The following NR1H2 variants were observed in gnomAD, a reference collection of about 807,000 sequenced individuals.
NR1H2 encodes the protein nuclear receptor subfamily 1 group H member 2.
Under a neutral mutation model 51.2 loss-of-function variants are expected in NR1H2, and 33 were observed. The observed-to-expected ratio is 0.64, with a 90% CI of 0.49 to 0.86. The LOEUF is 0.86. NR1H2 is among the 40% of genes least tolerant of loss of function. NR1H2 has a pLI of 0.00. For synonymous variants in NR1H2, 310 were observed against 264.3 expected (o/e 1.17, Z -1.68); for missense variants, 592 against 639.9 (o/e 0.93, Z 0.81).
At position 50,377,613 on chromosome 19, in the gene NR1H2, C is replaced by G. The variant is rs201933823; in HGVS notation, c.8C>G (p.Ser3Cys). 3.1e-6 allele frequency: 5 copies of G among 1,613,820 alleles called. No individual in the cohort carries two copies. In the African/African-American group the frequency reaches 5.3e-5, roughly 17 times the overall value. Reference sequence around the variant, plus strand: ...CTGCTCCGTGACCCCACCATGTCCTCTCCTACCACGAGTTCCCTGGATACC... The same window carrying G: ...CTGCTCCGTGACCCCACCATGTCCTGTCCTACCACGAGTTCCCTGGATACC... MS[S>C]PTTSSLDTPL... is the part of the protein sequence containing the mutation. The change falls in exon 3 of 10, where the codon TCT becomes TGT. Residue 3 changes from serine to cysteine, a missense_variant. By Grantham distance (112) the Ser-to-Cys change is moderately radical. Transcript: ENST00000253727.
rs28514894 is a variant in NR1H2 at position 50,378,069 on chromosome 19, T to C, written c.182-80T>C. ...TCCCTCCATCCTCTGGCTCTTTGCC[T>C]GGGGATCTCCTGTGGGCCCATCTCT... On this transcript the variant is annotated intron_variant, in intron 4 of 9. Coordinates refer to ENST00000253727, the MANE Select transcript of NR1H2 (RefSeq NM_007121.7). The C allele has an allele frequency of 0.34, 498,053 of 1,482,382 alleles. 85,765 individuals are homozygous for C. The highest frequency in any genetic ancestry group is 0.44 in the African/African-American group (31,504 of 71,136). The allele number at this position is 1,482,382 out of a possible 1,614,324, so 91.8% of individuals were successfully genotyped here.
In NR1H2 at chr19:50,382,313, C is replaced by T. The variant is rs1460351095; in HGVS notation, c.1236+139C>T. 1.0e-5 allele frequency: 14 copies of T among 1,338,594 alleles called. No individual in the cohort carries two copies. In the East Asian group the frequency reaches 3.3e-4, roughly 31 times the overall value. 82.9% of individuals were successfully genotyped at this position (1,338,594 alleles called of 1,614,324 possible). A position where few individuals can be genotyped will look rare whatever the true frequency, so the allele number is the denominator to read the frequency against. ...AGGCCCCACCCTGCTCGACTGGGAGCCAGGTCTAGTCCAAGCACAGAGGCG... is the reference window on the plus strand; with the variant it reads ...AGGCCCCACCCTGCTCGACTGGGAGTCAGGTCTAGTCCAAGCACAGAGGCG... On this transcript the variant is annotated intron_variant, in intron 9 of 9. Coordinates refer to ENST00000253727, the MANE Select transcript of NR1H2 (RefSeq NM_007121.7).
In NR1H2 at chr19:50,382,014, T is replaced by C; in HGVS notation, c.1076T>C (p.Met359Thr). 2 of 1,568,950 alleles carry C rather than the reference T, an allele frequency of 1.3e-6. No homozygotes were observed. Among genetic ancestry groups the C allele is most frequent in the Non-Finnish European group, 1.7e-6 (2 of 1,156,464 alleles). The stretch of plus-strand genomic sequence containing the variant: ...CCCATCTTCGAGTTCTCGCGGGCCA[T>C]GCGGCGGCTGGGCCTGGACGACGCT... ...INPIFEFSRA[M>T]RRLGLDDAEY... Residue 359 changes from methionine to threonine, a missense_variant, in exon 9 of 10, where the codon ATG (methionine) becomes ACG (threonine). Around this residue, in one of 3 missense-constraint regions of NR1H2, gnomAD observed 174 missense variants for 174.0 expected, o/e 1.00. Coordinates refer to ENST00000253727, the MANE Select transcript of NR1H2 (RefSeq NM_007121.7).
rs1451614063 is a variant in NR1H2, at chr19:50,376,471, G to C, written c.-233G>C. The C allele has an allele frequency of 6.6e-6, 1 of 152,326 alleles. No homozygotes were observed. The highest frequency in any genetic ancestry group is 1.5e-5 in the Non-Finnish European group (1 of 68,082). 9.4% of individuals were successfully genotyped at this position (152,326 alleles called of 1,614,324 possible). A position where few individuals can be genotyped will look rare whatever the true frequency, so the allele number is the denominator to read the frequency against. On this transcript the variant is annotated 5_prime_UTR_variant, in exon 1 of 10. Coordinates refer to ENST00000253727, the MANE Select transcript of NR1H2 (RefSeq NM_007121.7). ...CTCTTCCGGACGTGACGCAAGGGCG[G>C]GGTTGCCGGAAGAAGTGGCGAAGTT...
chr19:50,378,555 A>G lies in NR1H2; in HGVS notation c.506A>G (p.Lys169Arg), dbSNP rs1294084822. The G allele has an allele frequency of 6.6e-7, 1 of 1,514,998 alleles. No individual in the cohort carries two copies. Among genetic ancestry groups the G allele is most frequent in the South Asian group, 1.1e-5 (1 of 87,690 alleles). The allele number at this position is 1,514,998 out of a possible 1,614,324, so 93.8% of individuals were successfully genotyped here. Residue 169 changes from lysine (K) to arginine (R), a missense_variant, in exon 6 of 10, where the codon AAG becomes AGG. Transcript: ENST00000253727. ...TCTGAAGAACAGATCCGGAAGAAGAAGATTCGGAAACAGCAGCAGGAGTCA... is the reference window on the plus strand; with the variant it reads ...TCTGAAGAACAGATCCGGAAGAAGAGGATTCGGAAACAGCAGCAGGAGTCA... ...VLSEEQIRKK[K>R]IRKQQQESQS...
chr19:50,381,827 G>A (rs1379283950), intron 8 of NR1H2, 139 bp from the exon 9 acceptor site: 4 of 725,210 alleles, frequency 5.5e-6, no homozygotes, highest in East Asian at 2.7e-5. Flanking sequence ...TGGGCACGGG[G>A]CACAGGTGGA....
At chr19:50,377,562 G>C (rs776964074) in intron 2 of NR1H2, 25 bp from the exon 3 acceptor site, 6 of 1,594,728 alleles carry the variant, frequency 3.8e-6, no homozygotes, top group Middle Eastern at 1.7e-4. Context: ...GCCCCACAAG[G>C]CTCTCAATCC....
chr19:50,378,918 C>T (rs2037718612), intron 6 of NR1H2, 84 bp from the exon 7 acceptor site: 5 of 1,548,464 alleles, frequency 3.2e-6, no homozygotes, highest in Admixed American at 1.9e-5. Context: ...GAGGATCCCC[C>T]AGGGTGCAGG....
rs1248772610 is a variant in NR1H2 at position 50,377,029 on chromosome 19, G to T, written c.-20+203G>T. On this transcript the variant is annotated intron_variant, in intron 2 of 9. Coordinates refer to ENST00000253727, the MANE Select transcript of NR1H2 (RefSeq NM_007121.7). ...AGGGAGGAGGCGGGGCGGGGGCGGG[G>T]CATGATGGGAGGGGATGGGGACCTG... 1.6e-3 allele frequency among the ~76,000 whole-genome samples: 205 copies of T among 129,756 alleles called. 2 individuals carry two copies. The highest frequency in any genetic ancestry group is 2.8e-3 in the Non-Finnish European group (172 of 60,528). 85.1% of individuals were successfully genotyped at this position (129,756 alleles called of 152,430 possible). A position where few individuals can be genotyped will look rare whatever the true frequency, so the allele number is the denominator to read the frequency against.
chr19:50,378,827 C>T (rs747161618), intron 6 of NR1H2, 31 bp downstream of exon 6: 45 of 1,602,658 alleles, frequency 2.8e-5, no homozygotes, highest in East Asian at 4.5e-5. Context: ...TTGAGTGTGA[C>T]GGTCCCAATG....
chr19:50,382,584 C>T lies in NR1H2; in HGVS notation c.1365C>T (p.Ile455=), dbSNP rs773453437. Residue 455 remains isoleucine, a synonymous_variant, in exon 10 of 10, where the codon ATC becomes ATT. Coordinates refer to ENST00000253727, the MANE Select transcript of NR1H2 (RefSeq NM_007121.7). ...AGCTGCCGCCTCTGCTGTCGGAGAT[C>T]TGGGACGTCCACGAGTGAGGGGCTG... ...DKKLPPLLSE[I]WDVHE is the part of the protein sequence containing the mutation. The T allele has an allele frequency of 4.4e-6, 7 of 1,594,342 alleles. No homozygotes were observed. Among genetic ancestry groups the T allele is most frequent in the Non-Finnish European group, 4.3e-6 (5 of 1,171,210 alleles).
At position 50,382,079 on chromosome 19, in the gene NR1H2, G is replaced by C; in HGVS notation, c.1141G>C (p.Asp381His). 2 of 1,551,410 alleles carry C rather than the reference G, an allele frequency of 1.3e-6. No homozygotes were observed. The highest frequency in any genetic ancestry group is 1.7e-6 in the Non-Finnish European group (2 of 1,148,232). ...LLIAINIFSA[D>H]RPNVQEPGRV... ...CATCGCCATCAACATCTTCTCGGCCGACCGGCCCAACGTGCAGGAGCCGGG... is the reference window on the plus strand; with the variant it reads ...CATCGCCATCAACATCTTCTCGGCCCACCGGCCCAACGTGCAGGAGCCGGG... The change falls in exon 9 of 10, where the codon GAC becomes CAC. Residue 381 changes from aspartate (D) to histidine (H), a missense_variant. By Grantham distance (81) the Asp-to-His change is moderately conservative. Transcript: ENST00000253727.
Position 50,377,640 on chromosome 19 carries a change from C to G in NR1H2, c.35C>G (p.Pro12Arg), listed in dbSNP as rs370921542. 251 of 1,613,626 alleles carry G rather than the reference C, an allele frequency of 1.6e-4. No individual in the cohort carries two copies. The highest frequency in any genetic ancestry group is 2.1e-4 in the Non-Finnish European group (243 of 1,179,770). Residue 12 changes from proline (P) to arginine (R), a missense_variant, in exon 3 of 10, where the codon CCC (proline) becomes CGC (arginine). Physicochemically the swap from Pro to Arg is moderately radical, Grantham distance 103. Around this residue, in one of 3 missense-constraint regions of NR1H2, gnomAD observed 316 missense variants for 313.4 expected, o/e 1.01. Transcript: ENST00000253727. ...SSPTTSSLDT[P>R]LPGNGPPQPG... ...CCTACCACGAGTTCCCTGGATACCC[C>G]CCTGCCTGGTGAGTGACTCTCTTCC...
chr19:50,379,325 A>T (rs1039458341), intron 7 of NR1H2, 144 bp downstream of exon 7: 10 of 971,724 alleles, frequency 1.0e-5, no homozygotes, highest in East Asian at 2.7e-5. Context: ...GAGAGAAAGG[A>T]AAAAGGGTCT....
intron 2 of NR1H2, 75 bp from the exon 3 acceptor site, chr19:50,377,512 C>T: frequency 1.7e-6 from 2 of 1,157,846 alleles, no homozygotes; most frequent in Non-Finnish European, 2.5e-6. Context: ...AAGGGAAAGC[C>T]CTGTCAGGAC....
chr19:50,376,822 G>C lies in NR1H2; in HGVS notation c.-24G>C, dbSNP rs978333299. 4 of 151,932 alleles carry C rather than the reference G, an allele frequency of 2.6e-5. No individual in the cohort carries two copies. Among genetic ancestry groups the C allele is most frequent in the Non-Finnish European group, 5.9e-5 (4 of 68,038 alleles). The allele number at this position is 151,932 out of a possible 1,614,324, so 9.4% of individuals were successfully genotyped here. A position where few individuals can be genotyped will look rare whatever the true frequency, so the allele number is the denominator to read the frequency against. ...TGCTTGGAGAGGGGCGGGACCTGGA[G>C]AGAGGTGCGAGGGCGGAGCATGAAT... On this transcript the variant is annotated 5_prime_UTR_variant, in exon 2 of 10. Coordinates refer to ENST00000253727, the MANE Select transcript of NR1H2 (RefSeq NM_007121.7).
chr19:50,381,080 T>C (rs898832765), intron 8 of NR1H2, among the ~76,000 whole-genome samples: 1 of 152,206 alleles, frequency 6.6e-6, no homozygotes, highest in Non-Finnish European at 1.5e-5. Context: ...CCTCTCCCCC[T>C]GTTCCAGCCA....
chr19:50,382,272 C>A, intron 9 of NR1H2, 98 bp downstream of exon 9: 2 of 1,353,502 alleles, frequency 1.5e-6, no homozygotes, highest in Non-Finnish European at 9.9e-7. Flanking sequence ...CCCTCCCCTC[C>A]GCAGAGTCTT....
In NR1H2 at chr19:50,382,700, C is replaced by T. The variant is rs1350417615; in HGVS notation, c.*98C>T. The stretch of plus-strand genomic sequence containing the variant: ...TCCTAGGGTGGAAGGGGCCCTGGGC[C>T]GAGCCTGTAGACCTATCGGCTCTCA... On this transcript the variant is annotated 3_prime_UTR_variant, in exon 10 of 10. Coordinates refer to ENST00000253727, the MANE Select transcript of NR1H2 (RefSeq NM_007121.7). 1.4e-5 allele frequency: 18 copies of T among 1,332,258 alleles called. No individual in the cohort carries two copies. The highest frequency in any genetic ancestry group is 8.8e-5 in the African/African-American group (6 of 67,892). The allele number at this position is 1,332,258 out of a possible 1,614,324, so 82.5% of individuals were successfully genotyped here.
Sources: gnomAD v4.1 joint callset for allele counts (sites outside exome capture counted in the v4.1 genomes callset) on GRCh38, gnomAD v4.1.1 for gene constraint, gnomAD v4.1.1 regional missense constraint, MANE v1.5 for transcripts, NCBI Gene and HGNC (gene_info 2026-07-23, HGNC 2026-07-21) for gene names.